CCDC60: variants seen among roughly 807,000 people sequenced by gnomAD.
The protein encoded by CCDC60 is coiled-coil domain-containing protein 60.
CCDC60 carries 54 observed loss-of-function variants against 63.5 expected under a neutral mutation model. That is an observed-to-expected ratio of 0.85 (90% confidence interval 0.68 to 1.07). CCDC60 has a LOEUF of 1.07. Ranked by LOEUF, CCDC60 falls within the 50% of genes least tolerant of loss-of-function variation. The probability of loss-of-function intolerance (pLI) is 0.00; values close to 1 mark genes in which losing one functional copy is unlikely to be tolerated. For missense variants in CCDC60, 651 were observed against 684.3 expected (o/e 0.95, Z 0.54); for synonymous variants, 206 against 238.8 (o/e 0.86, Z 1.27).
At chr12:119,344,550 G>C (rs1014641295) in intron 1 of CCDC60, among the ~76,000 whole-genome samples, 23 of 152,060 alleles carry the variant, frequency 1.5e-4, no homozygotes, top group African/African-American at 5.1e-4. Context: ...CCACCCCATT[G>C]GCCCCATTAC....
At chr12:119,496,744 G>A (rs1240043958) in intron 5 of CCDC60, among the ~76,000 whole-genome samples, 1 of 152,132 alleles carries the variant, frequency 6.6e-6, no homozygotes, top group Non-Finnish European at 1.5e-5. Flanking sequence ...CTTACACCAA[G>A]TCACACATGT....
intron 1 of CCDC60, among the ~76,000 whole-genome samples, chr12:119,378,037 C>T (rs1278652934): frequency 1.3e-5 from 2 of 152,182 alleles, no homozygotes; most frequent in Non-Finnish European, 2.9e-5. Flanking sequence ...GTGAAATGCA[C>T]GGGGTTTTAT....
intron 1 of CCDC60, among the ~76,000 whole-genome samples, chr12:119,424,466 C>T (rs1272723094): frequency 6.6e-6 from 1 of 152,138 alleles, no homozygotes; most frequent in Non-Finnish European, 1.5e-5. Context: ...ATTCACACTG[C>T]TGTGATAAAC....
intron 1 of CCDC60, among the ~76,000 whole-genome samples, chr12:119,380,424 C>T (rs765767531): frequency 1.6e-4 from 25 of 152,112 alleles, no homozygotes; most frequent in African/African-American, 2.4e-5. Context: ...CATTTGCCAG[C>T]GTTTGGTGGG....
At chr12:119,442,474 C>A (rs891459881) in intron 2 of CCDC60, among the ~76,000 whole-genome samples, 1 of 152,156 alleles carries the variant, frequency 6.6e-6, no homozygotes, top group Non-Finnish European at 1.5e-5. Flanking sequence ...ATAACAAACT[C>A]CTATGCACCC....
chr12:119,505,000 T>C, intron 6 of CCDC60, 69 bp from the exon 7 acceptor site: 1 of 1,231,492 alleles, frequency 8.1e-7, no homozygotes, highest in Non-Finnish European at 1.1e-6. Flanking sequence ...CCTCCTTCCC[T>C]CCTTTCTTTC....
chr12:119,363,423 C>CTGTGTGTGTGTGTGTG (rs5801335), intron 1 of CCDC60, among the ~76,000 whole-genome samples: 430 of 150,650 alleles, frequency 2.9e-3, no homozygotes, highest in African/African-American at 0.01. Flanking sequence ...TATGAGTCCT[C>CTGTGTGTGTGTGTGTG]TGTGTGTGTG....
Position 119,497,281 on chromosome 12 carries a change from C to G in CCDC60, c.558-2797C>G, listed in dbSNP as rs565355026. 2.6e-5 allele frequency among the ~76,000 whole-genome samples: 4 copies of G among 152,346 alleles called. No homozygotes were observed. In the East Asian group the frequency reaches 7.7e-4, roughly 29 times the overall value. On this transcript the variant is annotated intron_variant, in intron 5 of 13. Transcript: ENST00000327554. ...AAGGACCACCAACCCTCTCTGCCCTCCTCCACAAGGTATGCAATGGATGAT... is the reference window on the plus strand; with the variant it reads ...AAGGACCACCAACCCTCTCTGCCCTGCTCCACAAGGTATGCAATGGATGAT...
chr12:119,433,081 A>C lies in CCDC60; in HGVS notation c.170+4319A>C, dbSNP rs116645585. Reference sequence around the variant, plus strand: ...TGGTAGCTCGAAAGCAACTGGTGGGAATATCTGCACCACGGTGACAATATT... The same window carrying C: ...TGGTAGCTCGAAAGCAACTGGTGGGCATATCTGCACCACGGTGACAATATT... On this transcript the variant is annotated intron_variant, in intron 2 of 13. Transcript: ENST00000327554. Among the ~76,000 whole-genome samples the C allele has an allele frequency of 9.5e-3, 1,450 of 152,280 alleles. 31 individuals are homozygous for C. The highest frequency in any genetic ancestry group is 0.032 in the African/African-American group (1,324 of 41,538).
intron 1 of CCDC60, among the ~76,000 whole-genome samples, chr12:119,416,490 T>G (rs1275982145): frequency 3.3e-5 from 5 of 152,090 alleles, no homozygotes; most frequent in Non-Finnish European, 7.4e-5. Flanking sequence ...AAAATGGCCA[T>G]CAAGGGTAGA....
At chr12:119,337,659 A>G (rs1955485407) in intron 1 of CCDC60, among the ~76,000 whole-genome samples, 1 of 152,212 alleles carries the variant, frequency 6.6e-6, no homozygotes, top group African/African-American at 2.4e-5. Flanking sequence ...CTCGCCTTCA[A>G]GAATCTTACA....
intron 11 of CCDC60, 57 bp from the exon 12 acceptor site, chr12:119,528,558 A>T: frequency 6.4e-7 from 1 of 1,565,058 alleles, no homozygotes; most frequent in Non-Finnish European, 8.7e-7. Context: ...GGCAGCTAAG[A>T]TGGTTACAGG....
intron 1 of CCDC60, among the ~76,000 whole-genome samples, chr12:119,345,811 T>C (rs1256094176): frequency 2.3e-5 from 3 of 130,080 alleles, no homozygotes; most frequent in African/African-American, 7.7e-5. Flanking sequence ...TTTGTTTGTT[T>C]TTTGTTTTTT....
intron 5 of CCDC60, among the ~76,000 whole-genome samples, chr12:119,492,898 G>A (rs181404964): frequency 2.0e-5 from 3 of 152,274 alleles, no homozygotes; most frequent in East Asian, 1.9e-4. Flanking sequence ...TTAGGTGTAC[G>A]ATTATCAGTA....
At chr12:119,385,600 C>CT (rs1256944703) in intron 1 of CCDC60, among the ~76,000 whole-genome samples, 1 of 152,214 alleles carries the variant, frequency 6.6e-6, no homozygotes, top group African/African-American at 2.4e-5. Flanking sequence ...CATTAAACCT[C>CT]TTTTTTAAAA....
chr12:119,421,703 G>C (rs1956816119), intron 1 of CCDC60, among the ~76,000 whole-genome samples: 1 of 152,072 alleles, frequency 6.6e-6, no homozygotes, highest in South Asian at 2.1e-4. Flanking sequence ...TTCACAGATG[G>C]GGAAACTGAG....
chr12:119,498,196 G>T (rs1951757538), intron 5 of CCDC60, among the ~76,000 whole-genome samples: 1 of 152,104 alleles, frequency 6.6e-6, no homozygotes, highest in African/African-American at 2.4e-5. Flanking sequence ...CCTTAAGTTA[G>T]GTTTATCTTG....
At chr12:119,519,635 A>G (rs1593207497) in intron 8 of CCDC60, among the ~76,000 whole-genome samples, 1 of 151,236 alleles carries the variant, frequency 6.6e-6, no homozygotes, top group Non-Finnish European at 1.5e-5. Flanking sequence ...GCTAATTTTT[A>G]TATTTTTAGT....
intron 5 of CCDC60, among the ~76,000 whole-genome samples, chr12:119,489,858 C>T (rs1156468885): frequency 7.9e-5 from 12 of 151,530 alleles, no homozygotes; most frequent in South Asian, 2.1e-4. Flanking sequence ...AGTACGGTGA[C>T]GCAATCTCGG....
Sources: gnomAD v4.1 joint callset for allele counts (sites outside exome capture counted in the v4.1 genomes callset) on GRCh38, gnomAD v4.1.1 for gene constraint, MANE v1.5 for transcripts, NCBI Gene and HGNC (gene_info 2026-07-23, HGNC 2026-07-21) for gene names.